Variants in PRKD1 observed in about 807,000 individuals in gnomAD.
The protein encoded by PRKD1 is serine/threonine-protein kinase D1.
A neutral mutation model predicts 95.9 loss-of-function variants in PRKD1; 63 were observed. The ratio of observed to expected loss-of-function variants is 0.66; its 90% CI spans 0.54 to 0.81. The LOEUF is 0.81. Ranked by LOEUF, PRKD1 falls within the 30% of genes least tolerant of loss-of-function variation. PRKD1 has a pLI of 0.00. For synonymous variants in PRKD1, 425 were observed against 423.1 expected, an observed-to-expected ratio of 1.00 and a Z score of -0.05; for missense variants, 1,048 against 1,165.3, an observed-to-expected ratio of 0.90 and a Z score of 1.47.
intron 1 of PRKD1, among the ~76,000 whole-genome samples, chr14:29,737,174 T>C (rs939825759): frequency 4.7e-5 from 7 of 148,082 alleles, no homozygotes; most frequent in African/African-American, 1.7e-4. Context: ...TACAAAAAAT[T>C]AGCCGGGCGC....
intron 1 of PRKD1, among the ~76,000 whole-genome samples, chr14:29,851,772 CAT>C (rs1310606290): frequency 6.6e-6 from 1 of 151,452 alleles, no homozygotes; most frequent in Non-Finnish European, 1.5e-5. Context: ...CAAAAAGACA[CAT>C]ACACTTATAT....
chr14:29,867,284 C>T (rs28401454), intron 1 of PRKD1, among the ~76,000 whole-genome samples: 15,841 of 152,124 alleles, frequency 0.1, 1,867 homozygotes, highest in African/African-American at 0.29. Flanking sequence ...GCAGGGAAGG[C>T]CCATTTACAT....
chr14:29,729,109 A>G (rs545013758), intron 1 of PRKD1, among the ~76,000 whole-genome samples: 158 of 152,228 alleles, frequency 1.0e-3, no homozygotes, highest in Non-Finnish European at 1.9e-3. Context: ...ATTTTCTCCT[A>G]TATTTTATTC....
intron 1 of PRKD1, among the ~76,000 whole-genome samples, chr14:29,905,582 G>C (rs45504891): frequency 6.6e-6 from 1 of 152,056 alleles, no homozygotes. Flanking sequence ...AAAGGAAACT[G>C]ACCAGCCTTG....
At chr14:29,598,964 T>C in intron 15 of PRKD1, 63 bp downstream of exon 15, 3 of 1,315,414 alleles carry the variant, frequency 2.3e-6, no homozygotes, top group Non-Finnish European at 3.3e-6. Flanking sequence ...GGTGACAAGA[T>C]GCTACATGGA....
At chr14:29,688,396 T>C (rs992732226) in intron 2 of PRKD1, among the ~76,000 whole-genome samples, 1 of 152,174 alleles carries the variant, frequency 6.6e-6, no homozygotes, top group African/African-American at 2.4e-5. Flanking sequence ...GGTACCACCA[T>C]TCAGCCCACT....
intron 1 of PRKD1, among the ~76,000 whole-genome samples, chr14:29,725,926 CAA>C (rs1886118736): frequency 6.6e-6 from 1 of 152,026 alleles, no homozygotes; most frequent in Non-Finnish European, 1.5e-5. Flanking sequence ...AGCAAGAAAA[CAA>C]GAGAATATGA....
At chr14:29,788,047 A>G (rs781121703) in intron 1 of PRKD1, among the ~76,000 whole-genome samples, 14 of 152,098 alleles carry the variant, frequency 9.2e-5, no homozygotes, top group South Asian at 2.1e-4. Flanking sequence ...CATGTGGTAG[A>G]TATCATCCTT....
intron 1 of PRKD1, among the ~76,000 whole-genome samples, chr14:29,750,925 C>T (rs1887453033): frequency 6.6e-6 from 1 of 152,092 alleles, no homozygotes; most frequent in African/African-American, 2.4e-5. Flanking sequence ...GATGTGTTTC[C>T]CCATGACGGT....
intron 4 of PRKD1, 115 bp downstream of exon 4, chr14:29,663,584 T>C: frequency 1.7e-6 from 2 of 1,209,186 alleles, no homozygotes; most frequent in Non-Finnish European, 2.4e-6. Context: ...AACACTGTCA[T>C]TAACACCCTG....
intron 1 of PRKD1, among the ~76,000 whole-genome samples, chr14:29,884,812 A>G (rs960949301): frequency 6.6e-6 from 1 of 152,214 alleles, no homozygotes; most frequent in Non-Finnish European, 1.5e-5. Context: ...CATCCCAGAA[A>G]GAAGCAAATT....
intron 6 of PRKD1, 77 bp downstream of exon 6, chr14:29,638,412 A>C: frequency 6.5e-7 from 1 of 1,540,628 alleles, no homozygotes; most frequent in Admixed American, 1.7e-5. Flanking sequence ...CCAAAACCAA[A>C]AACCCTGACT....
intron 2 of PRKD1, among the ~76,000 whole-genome samples, chr14:29,682,055 G>A (rs1031013095): frequency 6.6e-6 from 1 of 152,192 alleles, no homozygotes; most frequent in Non-Finnish European, 1.5e-5. Context: ...TGGAAAGTGA[G>A]AACTAGAAAA....
chr14:29,729,532 T>C (rs890685811), intron 1 of PRKD1, among the ~76,000 whole-genome samples: 1 of 152,086 alleles, frequency 6.6e-6, no homozygotes, highest in Admixed American at 6.6e-5. Flanking sequence ...TAATTTCTTA[T>C]ATCCTTTCTT....
chr14:29,733,006 T>C (rs1468483051), intron 1 of PRKD1, among the ~76,000 whole-genome samples: 4 of 151,368 alleles, frequency 2.6e-5, no homozygotes, highest in Admixed American at 1.3e-4. Flanking sequence ...ATTTTCACCA[T>C]TGTTTTTGTC....
intron 1 of PRKD1, among the ~76,000 whole-genome samples, chr14:29,818,609 T>C (rs1004042724): frequency 1.4e-5 from 2 of 141,604 alleles, no homozygotes; most frequent in African/African-American, 5.0e-5. Flanking sequence ...AAAAGAATAC[T>C]TCATTTGAAA....
intron 1 of PRKD1, among the ~76,000 whole-genome samples, chr14:29,744,801 C>T (rs934928396): frequency 6.6e-6 from 1 of 152,136 alleles, no homozygotes; most frequent in Admixed American, 6.5e-5. Flanking sequence ...CCCGCCTTGG[C>T]CTCCCAAAGC....
intron 1 of PRKD1, among the ~76,000 whole-genome samples, chr14:29,731,912 C>T (rs574641879): frequency 5.3e-5 from 8 of 150,176 alleles, no homozygotes; most frequent in South Asian, 2.1e-4. Flanking sequence ...CTCACTCTGG[C>T]GCCCAGGCTG....
At chr14:29,624,112 A>AT in intron 13 of PRKD1, 40 bp downstream of exon 13, 1 of 1,444,048 alleles carries the variant, frequency 6.9e-7, no homozygotes, top group Non-Finnish European at 9.5e-7. Context: ...AGGATGAGGG[A>AT]TTTTTATACC....
Sources: allele counts gnomAD v4.1 joint callset (sites outside exome capture counted in the v4.1 genomes callset), GRCh38; gene constraint gnomAD v4.1.1; transcripts MANE v1.5; gene names NCBI Gene and HGNC (gene_info 2026-07-23, HGNC 2026-07-21).